GPC5: variants seen among roughly 807,000 people sequenced by gnomAD.
GPC5 encodes the protein glypican-5.
Under a neutral mutation model 53.9 loss-of-function variants are expected in GPC5, and 47 were observed. The ratio of observed to expected loss-of-function variants is 0.87; its 90% CI spans 0.69 to 1.11. The LOEUF is 1.11. Among genes scored for constraint, GPC5 ranks in the 50% most tolerant of loss-of-function variants. The pLI is 0.00. For missense variants in GPC5, 748 were observed against 713.1 expected, an observed-to-expected ratio of 1.05 and a Z score of -0.56; for synonymous variants, 286 against 263.3, an observed-to-expected ratio of 1.09 and a Z score of -0.84.
intron 6 of GPC5, among the ~76,000 whole-genome samples, chr13:92,075,048 G>T (rs1478952727): frequency 2.0e-5 from 3 of 152,202 alleles, no homozygotes; most frequent in Middle Eastern, 3.4e-3. Flanking sequence ...AAAATTTTGT[G>T]CATATGCCTG....
intron 7 of GPC5, among the ~76,000 whole-genome samples, chr13:92,598,570 A>C (rs956586262): frequency 8.5e-5 from 13 of 152,206 alleles, no homozygotes; most frequent in African/African-American, 3.1e-4. Context: ...AATAGTAAAA[A>C]ATAAAGGCAA....
At chr13:92,132,688 A>G (rs1310717500) in intron 6 of GPC5, among the ~76,000 whole-genome samples, 1 of 152,146 alleles carries the variant, frequency 6.6e-6, no homozygotes, top group East Asian at 1.9e-4. Context: ...GCCCACCCTA[A>G]TGATTCCATT....
chr13:91,433,542 A>G (rs891352645), intron 1 of GPC5, among the ~76,000 whole-genome samples: 4 of 152,042 alleles, frequency 2.6e-5, no homozygotes, highest in African/African-American at 7.2e-5. Context: ...ATCATTTTTT[A>G]TGGCTGCATA....
intron 7 of GPC5, among the ~76,000 whole-genome samples, chr13:92,245,727 AT>A (rs1156517799): frequency 6.6e-6 from 1 of 152,102 alleles, no homozygotes; most frequent in Non-Finnish European, 1.5e-5. Context: ...ATATTTTACT[AT>A]TTATTTTCTC....
At chr13:92,393,241 C>T (rs117781004) in intron 7 of GPC5, among the ~76,000 whole-genome samples, 4,815 of 152,164 alleles carry the variant, frequency 0.032, 137 homozygotes, top group East Asian at 0.15. Flanking sequence ...GAGATCATGT[C>T]TTGCAGAAAT....
intron 6 of GPC5, among the ~76,000 whole-genome samples, chr13:91,974,690 C>A (rs2040280485): frequency 6.6e-6 from 1 of 152,126 alleles, no homozygotes; most frequent in Non-Finnish European, 1.5e-5. Flanking sequence ...AATGGCCATA[C>A]TACCCAAGGT....
In GPC5 at chr13:91,893,263, A is replaced by T. The variant is rs77758643; in HGVS notation, c.1281-14674A>T. ...CTGTCTGACCAGTAAACCATAGAAA[A>T]AAATGTATGCCAATGACTTTGTATT... On this transcript the variant is annotated intron_variant, in intron 5 of 7. Transcript: ENST00000377067. Among the ~76,000 whole-genome samples the T allele has an allele frequency of 5.6e-3, 852 of 152,148 alleles. 13 individuals carry two copies. Among genetic ancestry groups the T allele is most frequent in the African/African-American group, 0.02 (813 of 41,562 alleles).
At chr13:91,560,030 C>A (rs372343923) in intron 2 of GPC5, among the ~76,000 whole-genome samples, 1 of 150,672 alleles carries the variant, frequency 6.6e-6, no homozygotes, top group African/African-American at 2.5e-5. Flanking sequence ...TTCATTGATA[C>A]GACTGTACTT....
chr13:91,668,530 T>C (rs1032786451), intron 2 of GPC5, among the ~76,000 whole-genome samples: 1 of 152,236 alleles, frequency 6.6e-6, no homozygotes, highest in African/African-American at 2.4e-5. Flanking sequence ...AGTGATGATC[T>C]TTTTGTTGTT....
chr13:92,847,591 G>T (rs746886505), intron 7 of GPC5, among the ~76,000 whole-genome samples: 1 of 151,296 alleles, frequency 6.6e-6, no homozygotes, highest in Non-Finnish European at 1.5e-5. Flanking sequence ...ATCCCCAGCA[G>T]TGCTGTACAG....
intron 7 of GPC5, among the ~76,000 whole-genome samples, chr13:92,710,857 A>G (rs1320646120): frequency 6.6e-6 from 1 of 152,226 alleles, no homozygotes; most frequent in Non-Finnish European, 1.5e-5. Flanking sequence ...TCCTAGGAAG[A>G]ATTATTTTTA....
intron 7 of GPC5, among the ~76,000 whole-genome samples, chr13:92,451,402 C>A (rs1300607086): frequency 6.7e-6 from 1 of 148,882 alleles, no homozygotes. Flanking sequence ...GGAGACTTGA[C>A]CTATTTCCTC....
At chr13:91,953,206 T>C (rs1260868286) in intron 6 of GPC5, among the ~76,000 whole-genome samples, 1 of 152,166 alleles carries the variant, frequency 6.6e-6, no homozygotes, top group East Asian at 1.9e-4. Flanking sequence ...GGTAAGGTCA[T>C]TGGCTAATTT....
At chr13:92,358,154 C>A (rs1191042416) in intron 7 of GPC5, among the ~76,000 whole-genome samples, 1 of 151,766 alleles carries the variant, frequency 6.6e-6, no homozygotes, top group Non-Finnish European at 1.5e-5. Flanking sequence ...AAGGGGGAAT[C>A]TGCCATAACA....
chr13:91,413,432 G>A (rs888420589), intron 1 of GPC5, among the ~76,000 whole-genome samples: 1 of 152,112 alleles, frequency 6.6e-6, no homozygotes, highest in Non-Finnish European at 1.5e-5. Flanking sequence ...ATTAGTCGTA[G>A]ATAGCATTGG....
At chr13:91,625,232 A>G (rs1049155876) in intron 2 of GPC5, among the ~76,000 whole-genome samples, 2 of 151,854 alleles carry the variant, frequency 1.3e-5, no homozygotes, top group Non-Finnish European at 2.9e-5. Flanking sequence ...AAAAAAATCA[A>G]TAACACTCCT....
At chr13:92,070,957 G>T (rs1478653932) in intron 6 of GPC5, among the ~76,000 whole-genome samples, 5 of 152,054 alleles carry the variant, frequency 3.3e-5, no homozygotes, top group African/African-American at 1.2e-4. Flanking sequence ...AAATCTGTTG[G>T]CCAGGAGTGG....
At chr13:92,253,970 G>A (rs1481432866) in intron 7 of GPC5, among the ~76,000 whole-genome samples, 1 of 152,034 alleles carries the variant, frequency 6.6e-6, no homozygotes, top group Admixed American at 6.6e-5. Context: ...GGAACTCAGA[G>A]CAAGAAAAGG....
intron 7 of GPC5, among the ~76,000 whole-genome samples, chr13:92,206,758 A>G (rs2042340886): frequency 6.6e-6 from 1 of 152,194 alleles, no homozygotes. Context: ...CTGAAAAATA[A>G]GAGTCAAAAA....
Sources: allele counts gnomAD v4.1 joint callset (sites outside exome capture counted in the v4.1 genomes callset), GRCh38; gene constraint gnomAD v4.1.1; transcripts MANE v1.5; gene names NCBI Gene and HGNC (gene_info 2026-07-23, HGNC 2026-07-21).